TMEM255B: variants seen among roughly 807,000 people sequenced by gnomAD.
TMEM255B encodes the protein family with sequence similarity 70, member B.
A neutral mutation model predicts 34.5 loss-of-function variants in TMEM255B; 35 were observed. That is an observed-to-expected ratio of 1.01 (90% CI 0.77 to 1.34). The LOEUF is 1.34. Among genes scored for constraint, TMEM255B ranks in the 40% most tolerant of loss-of-function variants. The pLI is 0.00. For synonymous variants in TMEM255B, 206 were observed against 201.2 expected, an observed-to-expected ratio of 1.02 and a Z score of -0.20; for missense variants, 432 against 433.2, an observed-to-expected ratio of 1.00 and a Z score of 0.02.
intron 3 of TMEM255B, among the ~76,000 whole-genome samples, chr13:113,779,454 C>T (rs2050633566): frequency 2.0e-5 from 3 of 152,084 alleles, no homozygotes; most frequent in Admixed American, 2.0e-4. Context: ...GGATTTGTTC[C>T]CGGAAGCACT....
chr13:113,765,921 G>C (rs1327553912), intron 1 of TMEM255B, among the ~76,000 whole-genome samples, 194 bp from the exon 2 acceptor site: 3 of 152,244 alleles, frequency 2.0e-5, no homozygotes, highest in Non-Finnish European at 4.4e-5. Flanking sequence ...ATCCAGTATA[G>C]TGGCTTATGG....
At chr13:113,811,322 G>A (rs1355872343) in intron 8 of TMEM255B, among the ~76,000 whole-genome samples, 4 of 121,814 alleles carry the variant, frequency 3.3e-5, no homozygotes, top group Admixed American at 7.9e-5. Context: ...TGGGGGGGCC[G>A]GTGAGAGTGG....
At position 113,769,666 on chromosome 13, in the gene TMEM255B, C is replaced by G. The variant is rs1235304201; in HGVS notation, c.252+506C>G. The G allele has an allele frequency of 6.1e-6, 1 of 162,846 alleles. No individual in the cohort carries two copies. Among genetic ancestry groups the G allele is most frequent in the Admixed American group, 5.6e-5 (1 of 17,766 alleles). 10.1% of individuals were successfully genotyped at this position (162,846 alleles called of 1,614,324 possible). ...ACATGGCAGCAATGCAGAGTGAAAT[C>G]CAGACACTGCCTGTCCATGATGTTC... On this transcript the variant is annotated intron_variant, in intron 3 of 8. Transcript: ENST00000375353. This position sits in a 1 kb window ranked among gnomAD's most constrained non-coding sequence, Gnocchi z 4.2.
Position 113,815,866 on chromosome 13 carries a change from A to T in TMEM255B, c.*3963A>T, listed in dbSNP as rs2051395449. On this transcript the variant is annotated 3_prime_UTR_variant, in exon 9 of 9. Transcript: ENST00000375353. ...CGGCCACGGAGAGGAAGGAAGCTCTAACGGGTGCTGAGGCTGTAACACACA... is the reference window on the plus strand; with the variant it reads ...CGGCCACGGAGAGGAAGGAAGCTCTTACGGGTGCTGAGGCTGTAACACACA... The T allele has an allele frequency of 6.5e-6, 1 of 153,762 alleles. No individual in the cohort carries two copies. The highest frequency in any genetic ancestry group is 2.4e-5 in the African/African-American group (1 of 41,276). The allele number at this position is 153,762 out of a possible 1,614,324, so 9.5% of individuals were successfully genotyped here.
chr13:113,759,423 G>C, intron 1 of TMEM255B, 108 bp downstream of exon 1: 1 of 1,019,430 alleles, frequency 9.8e-7, no homozygotes, highest in East Asian at 3.3e-5. Flanking sequence ...GCGCGGAGAC[G>C]CGGCACGGGG....
In TMEM255B at chr13:113,806,015, G is replaced by A. The variant is rs1418490199; in HGVS notation, c.813+987G>A. Among the ~76,000 whole-genome samples, 1 of 152,214 alleles carries A rather than the reference G, an allele frequency of 6.6e-6. No individual in the cohort carries two copies. Among genetic ancestry groups the A allele is most frequent in the African/African-American group, 2.4e-5 (1 of 41,452 alleles). On this transcript the variant is annotated intron_variant, in intron 8 of 8. Coordinates refer to ENST00000375353, the MANE Select transcript of TMEM255B (RefSeq NM_182614.4). This position sits in a 1 kb window ranked among gnomAD's most constrained non-coding sequence, Gnocchi z 4.2. ...CGGGGAAGGGCAGGGTGAACGTGGG[G>A]AGTCGTGAGTTTTGAAGTCACACAT...
At chr13:113,763,001 A>G (rs1275414684) in intron 1 of TMEM255B, among the ~76,000 whole-genome samples, 3 of 152,244 alleles carry the variant, frequency 2.0e-5, no homozygotes, top group Non-Finnish European at 1.5e-5. Flanking sequence ...CTCTTAAAAT[A>G]CATTTAAACA....
At chr13:113,784,930 A>G (rs1019484773) in intron 3 of TMEM255B, among the ~76,000 whole-genome samples, 1 of 152,252 alleles carries the variant, frequency 6.6e-6, no homozygotes, top group Non-Finnish European at 1.5e-5. Context: ...TGGCTCAACC[A>G]TCAAAGAGAG....
chr13:113,789,651 C>T (rs955566437), intron 3 of TMEM255B, among the ~76,000 whole-genome samples: 7 of 152,196 alleles, frequency 4.6e-5, no homozygotes, highest in Non-Finnish European at 1.0e-4. Flanking sequence ...CCATGAGAAG[C>T]TCTTGGCATT....
chr13:113,764,092 A>G (rs1047652669), intron 1 of TMEM255B, among the ~76,000 whole-genome samples: 2 of 152,264 alleles, frequency 1.3e-5, no homozygotes, highest in African/African-American at 2.4e-5. Flanking sequence ...TGCTCCATGC[A>G]CACAGGAAGG....
intron 8 of TMEM255B, among the ~76,000 whole-genome samples, chr13:113,805,240 G>A (rs557568725): frequency 3.3e-5 from 5 of 152,314 alleles, no homozygotes; most frequent in South Asian, 2.1e-4. Context: ...CTGGTGACCC[G>A]CCACCATGCT....
chr13:113,784,414 A>C (rs1194084519), intron 3 of TMEM255B, among the ~76,000 whole-genome samples: 1 of 152,176 alleles, frequency 6.6e-6, no homozygotes. Flanking sequence ...AGGGGAGGGC[A>C]GATCTTACCA....
At chr13:113,804,615 T>TCAGC (rs2051130160) in intron 7 of TMEM255B, among the ~76,000 whole-genome samples, 3 of 136,012 alleles carry the variant, frequency 2.2e-5, no homozygotes, top group African/African-American at 8.5e-5. Context: ...CGGGCCGGGG[T>TCAGC]TAGCTCCAGC....
At chr13:113,789,758 C>G (rs1276577658) in intron 3 of TMEM255B, among the ~76,000 whole-genome samples, 1 of 152,158 alleles carries the variant, frequency 6.6e-6, no homozygotes, top group African/African-American at 2.4e-5. Context: ...CCTGGACTGA[C>G]CGGGCATGTG....
At chr13:113,768,634 A>G (rs2050429770) in intron 2 of TMEM255B, among the ~76,000 whole-genome samples, 1 of 152,166 alleles carries the variant, frequency 6.6e-6, no homozygotes. Context: ...AACCAGAGTT[A>G]GGCCGTCTGA....
In TMEM255B at chr13:113,770,710, G is replaced by C. The variant is rs2050464582; in HGVS notation, c.252+1550G>C. Among the ~76,000 whole-genome samples, 2 of 152,118 alleles carry C rather than the reference G, an allele frequency of 1.3e-5. No homozygotes were observed. Among genetic ancestry groups the C allele is most frequent in the South Asian group, 4.1e-4 (2 of 4,826 alleles). Reference sequence around the variant, plus strand: ...GAGGGTGGGCGTCACAGCTGACCAGGGTGGGCAAAGGCCTCACACACACCA... The same window carrying C: ...GAGGGTGGGCGTCACAGCTGACCAGCGTGGGCAAAGGCCTCACACACACCA... On this transcript the variant is annotated intron_variant, in intron 3 of 8. Coordinates refer to ENST00000375353, the MANE Select transcript of TMEM255B (RefSeq NM_182614.4). This position sits in a 1 kb window ranked among gnomAD's most constrained non-coding sequence, Gnocchi z 4.6.
intron 2 of TMEM255B, chr13:113,767,992 G>A (rs1281761279): frequency 2.4e-5 from 7 of 292,338 alleles, no homozygotes; most frequent in Non-Finnish European, 4.8e-5. Context: ...AACCGTTGGT[G>A]AAAGCCACAT....
intron 1 of TMEM255B, among the ~76,000 whole-genome samples, chr13:113,762,444 C>T (rs2050323882): frequency 6.6e-6 from 1 of 152,128 alleles, no homozygotes; most frequent in South Asian, 2.1e-4. Flanking sequence ...ATCTAGGAAT[C>T]TGTGATAGGA....
At chr13:113,808,135 G>A (rs2138585302) in intron 8 of TMEM255B, among the ~76,000 whole-genome samples, 1 of 152,332 alleles carries the variant, frequency 6.6e-6, no homozygotes, top group Non-Finnish European at 1.5e-5. Flanking sequence ...CTTCCACAGA[G>A]ATGGAGAGAA....
Sources: gnomAD v4.1 joint callset for allele counts (sites outside exome capture counted in the v4.1 genomes callset) on GRCh38, gnomAD v4.1.1 for gene constraint, Gnocchi (gnomAD v3.1) non-coding constraint, MANE v1.5 for transcripts, NCBI Gene and HGNC (gene_info 2026-07-23, HGNC 2026-07-21) for gene names.